The following TUB variants were observed in gnomAD, a reference collection of about 807,000 sequenced individuals.
The protein encoded by TUB is tubby protein homolog.
A neutral mutation model predicts 59.7 loss-of-function variants in TUB; 33 were observed. That is an observed-to-expected ratio of 0.55 (90% CI 0.42 to 0.74). The LOEUF (loss-of-function observed/expected upper bound fraction) is 0.74. Ranked by LOEUF, TUB falls within the 30% of genes least tolerant of loss-of-function variation. The pLI is 0.00. For synonymous variants in TUB, 293 were observed against 256.4 expected (o/e 1.14, Z -1.36); for missense variants, 659 against 672.0 (o/e 0.98, Z 0.21).
At chr11:8,072,429 G>A (rs2133798240) in intron 2 of TUB, among the ~76,000 whole-genome samples, 1 of 152,318 alleles carries the variant, frequency 6.6e-6, no homozygotes, top group Non-Finnish European at 1.5e-5. Context: ...TGGTGAGGCT[G>A]AGTAAATCCT....
rs192086086 is a variant in TUB, at chr11:8,061,598, G to T, written c.203+21906G>T. On this transcript the variant is annotated intron_variant, in intron 2 of 12. Coordinates refer to the TUB transcript ENST00000305253. ...GTGCAAGAGTAGGACGAGGACAGTC[G>T]GCTCAGAGGGGACAGAGATCTTGCT... is the stretch of plus-strand genomic sequence containing the variant. 2.1e-3 allele frequency among the ~76,000 whole-genome samples: 316 copies of T among 152,178 alleles called. 1 individual carries two copies. Among genetic ancestry groups the T allele is most frequent in the African/African-American group, 7.2e-3 (299 of 41,508 alleles).
chr11:8,049,470 G>T (rs1274059489), intron 2 of TUB, among the ~76,000 whole-genome samples: 3 of 151,840 alleles, frequency 2.0e-5, no homozygotes, highest in Non-Finnish European at 4.4e-5. Flanking sequence ...GCCCAGCAAA[G>T]AGACAATGCA....
intron 2 of TUB, among the ~76,000 whole-genome samples, chr11:8,074,663 C>G (rs1370219658): frequency 6.6e-6 from 1 of 151,290 alleles, no homozygotes; most frequent in Admixed American, 6.6e-5. Flanking sequence ...CACTTGAGCC[C>G]AGGAGTTCAA....
At chr11:8,069,956 A>G (rs903463605) in intron 2 of TUB, among the ~76,000 whole-genome samples, 3 of 152,168 alleles carry the variant, frequency 2.0e-5, no homozygotes, top group Non-Finnish European at 2.9e-5. Flanking sequence ...CCATCCTGGG[A>G]TGTGGGGCAG....
chr11:8,098,675 C>G, intron 8 of TUB, 83 bp from the exon 9 acceptor site: 1 of 1,003,982 alleles, frequency 1.0e-6, no homozygotes. Context: ...GTTTTGCAGG[C>G]TCCTCATAGG....
At chr11:8,084,404 A>C (rs1300280873) in intron 1 of TUB, among the ~76,000 whole-genome samples, 1 of 152,228 alleles carries the variant, frequency 6.6e-6, no homozygotes, top group Non-Finnish European at 1.5e-5. Context: ...AATAATTTCT[A>C]ATTCTGCCAG....
Position 8,081,293 on chromosome 11 carries a change from C to G in TUB, c.-218C>G, listed in dbSNP as rs1159933809. 27 of 869,964 alleles carry G rather than the reference C, an allele frequency of 3.1e-5. No individual in the cohort carries two copies. The highest frequency in any genetic ancestry group is 5.5e-5 in the African/African-American group (3 of 54,994). The allele number at this position is 869,964 out of a possible 1,614,324, so 53.9% of individuals were successfully genotyped here. ...CGCGCGCGCACGACCCGCGCACTCC[C>G]GGAGCTTCGCCCATCTCGCCTCGCC... On this transcript the variant is annotated 5_prime_UTR_variant, in exon 1 of 12. Coordinates refer to ENST00000299506, the MANE Select transcript of TUB (RefSeq NM_177972.3).
chr11:8,065,508 T>C (rs1008930487), intron 2 of TUB, among the ~76,000 whole-genome samples: 4 of 152,220 alleles, frequency 2.6e-5, no homozygotes, highest in Admixed American at 1.3e-4. Context: ...ACCTGCCTTA[T>C]AGGGCAGTCA....
At chr11:8,071,411 C>T (rs1157051174) in intron 2 of TUB, among the ~76,000 whole-genome samples, 3 of 152,118 alleles carry the variant, frequency 2.0e-5, no homozygotes, top group African/African-American at 4.8e-5. Flanking sequence ...CCAACCCCCT[C>T]ATCTTATACA....
intron 1 of TUB, among the ~76,000 whole-genome samples, chr11:8,087,231 GA>G (rs1252984078): frequency 1.3e-5 from 2 of 152,220 alleles, no homozygotes; most frequent in African/African-American, 4.8e-5. Flanking sequence ...TTGCTGATGT[GA>G]GTCTTACCTC....
upstream of TUB, among the ~76,000 whole-genome samples, chr11:8,035,098 T>A (rs1308272120): frequency 6.6e-6 from 1 of 152,192 alleles, no homozygotes; most frequent in African/African-American, 2.4e-5. Flanking sequence ...AGAAAGACAT[T>A]GACCTCAAGT....
chr11:8,043,745 G>A (rs115077921), intron 2 of TUB, among the ~76,000 whole-genome samples: 363 of 152,200 alleles, frequency 2.4e-3, no homozygotes, highest in African/African-American at 7.8e-3. Flanking sequence ...CTGATTTTGT[G>A]TAATGATCTT....
rs148091780 is a variant in TUB, at chr11:8,090,131, T to C, written c.153T>C (p.Asn51=). Residue 51 remains asparagine, a synonymous_variant, in exon 3 of 12, where the codon AAT becomes AAC. Transcript: ENST00000299506. ...KRQEPLMVQA[N]ADGRPRSRRA... ...AGGAGCCCCTGATGGTGCAGGCCAA[T>C]GCAGATGGGCGGCCCCGGAGCCGGC... 6.2e-7 allele frequency: 1 copy of C among 1,613,418 alleles called. No individual in the cohort carries two copies. The highest frequency in any genetic ancestry group is 2.2e-5 in the East Asian group (1 of 44,894).
At chr11:8,087,476 A>T (rs887270346) in intron 1 of TUB, among the ~76,000 whole-genome samples, 4 of 152,230 alleles carry the variant, frequency 2.6e-5, no homozygotes, top group Non-Finnish European at 5.9e-5. Context: ...CACAGGGGCC[A>T]GGCCACTGGC....
At chr11:8,094,822 G>A (rs1453887918) in intron 4 of TUB, among the ~76,000 whole-genome samples, 5 of 152,330 alleles carry the variant, frequency 3.3e-5, no homozygotes, top group Admixed American at 6.5e-5. Flanking sequence ...ACTGCGTCAC[G>A]GTTGGACAGT....
At chr11:8,080,418 C>T (rs977508398), upstream of TUB, among the ~76,000 whole-genome samples, 6 of 151,110 alleles carry the variant, frequency 4.0e-5, no homozygotes, top group Non-Finnish European at 5.9e-5. Context: ...CAGCCAGGAC[C>T]TCCTCAGCGC....
intron 2 of TUB, among the ~76,000 whole-genome samples, chr11:8,055,212 C>A (rs750184977): frequency 6.6e-6 from 1 of 152,014 alleles, no homozygotes; most frequent in Non-Finnish European, 1.5e-5. Flanking sequence ...TCTGGAGTGG[C>A]CTGTGTGTGT....
chr11:8,082,960 C>T (rs965678974), intron 1 of TUB, among the ~76,000 whole-genome samples: 1 of 152,218 alleles, frequency 6.6e-6, no homozygotes, highest in Admixed American at 6.5e-5. Flanking sequence ...CACATGTAGT[C>T]ACACTTCAGT....
At chr11:8,065,641 C>A (rs1469446192) in intron 2 of TUB, among the ~76,000 whole-genome samples, 1 of 152,110 alleles carries the variant, frequency 6.6e-6, no homozygotes, top group Non-Finnish European at 1.5e-5. Flanking sequence ...TCTGTGGGCC[C>A]AAATAGGCCT....
Sources: gnomAD v4.1 joint callset for allele counts (sites outside exome capture counted in the v4.1 genomes callset) on GRCh38, gnomAD v4.1.1 for gene constraint, MANE v1.5 for transcripts, NCBI Gene and HGNC (gene_info 2026-07-23, HGNC 2026-07-21) for gene names.